The following SPMIP2 variants were observed in gnomAD, a reference collection of about 807,000 sequenced individuals.
SPMIP2 encodes sperm microtubule inner protein 2, also known as protein SPMIP2.
At chr4:159,047,353 A>G in the SPMIP2 span, among the ~76,000 whole-genome samples, 1 of 148,850 alleles carries the variant, frequency 6.7e-6, no homozygotes, top group Non-Finnish European at 1.5e-5. Context: ...ATACTCATCT[A>G]TTTAAGCAAG....
chr4:158,938,486 T>TA, the SPMIP2 span, among the ~76,000 whole-genome samples: 5 of 152,222 alleles, frequency 3.3e-5, no homozygotes, highest in African/African-American at 1.2e-4. Context: ...GCTTGTTAAA[T>TA]ATTCTACCAC....
the SPMIP2 span, among the ~76,000 whole-genome samples, chr4:158,944,279 C>A: frequency 1.3e-5 from 2 of 151,940 alleles, no homozygotes; most frequent in Non-Finnish European, 2.9e-5. Context: ...CTAAATTGTT[C>A]TAGTTGTTCT....
chr4:159,080,243 G>A, the SPMIP2 span, among the ~76,000 whole-genome samples: 4,160 of 151,840 alleles, frequency 0.027, 83 homozygotes, highest in Middle Eastern at 0.044. Flanking sequence ...TTTTAAGATG[G>A]TCTCACTCCA....
the SPMIP2 span, among the ~76,000 whole-genome samples, chr4:159,008,685 A>G: frequency 6.6e-6 from 1 of 152,236 alleles, no homozygotes; most frequent in African/African-American, 2.4e-5. Flanking sequence ...AATGATCACT[A>G]TGTTCATTTT....
the SPMIP2 span, among the ~76,000 whole-genome samples, chr4:159,056,233 T>G: frequency 1.3e-5 from 2 of 152,252 alleles, no homozygotes; most frequent in African/African-American, 2.4e-5. Context: ...CAGACAGATT[T>G]AGACATGCAA....
the SPMIP2 span, among the ~76,000 whole-genome samples, chr4:159,058,198 T>TTC: frequency 6.6e-6 from 1 of 151,804 alleles, no homozygotes; most frequent in East Asian, 1.9e-4. Context: ...TTTTTTTTTT[T>TTC]TCTTTAAAAT....
chr4:158,926,225 G>A, the SPMIP2 span, among the ~76,000 whole-genome samples: 3 of 150,606 alleles, frequency 2.0e-5, no homozygotes, highest in Non-Finnish European at 3.0e-5. Context: ...ACTTCCACTT[G>A]CTTTGAATTT....
At chr4:158,915,040 A>G in the SPMIP2 span, 1 of 769,120 alleles carries the variant, frequency 1.3e-6, no homozygotes, top group Non-Finnish European at 2.0e-6. Flanking sequence ...ATAAATTACA[A>G]AATGCTTCGA....
At chr4:159,007,510 G>A in the SPMIP2 span, 1 of 824,898 alleles carries the variant, frequency 1.2e-6, no homozygotes, top group Non-Finnish European at 2.0e-6. Flanking sequence ...TGATCCTCAA[G>A]ATTGAAGATG....
chr4:158,992,755 A>C, the SPMIP2 span, among the ~76,000 whole-genome samples: 1 of 152,350 alleles, frequency 6.6e-6, no homozygotes, highest in African/African-American at 2.4e-5. Flanking sequence ...ACCAGGTCCC[A>C]ACAGGGCAGC....
chr4:159,025,227 T>G, the SPMIP2 span, among the ~76,000 whole-genome samples: 3 of 152,200 alleles, frequency 2.0e-5, no homozygotes, highest in African/African-American at 7.2e-5. Flanking sequence ...TGCAGTGGCA[T>G]GATCTTGGCT....
At chr4:158,908,291 G>A in the SPMIP2 span, among the ~76,000 whole-genome samples, 1 of 152,110 alleles carries the variant, frequency 6.6e-6, no homozygotes, top group East Asian at 1.9e-4. Flanking sequence ...CCCATGGGAT[G>A]AGGACTTGTC....
chr4:158,915,132 CTT>C, the SPMIP2 span: 1 of 1,560,554 alleles, frequency 6.4e-7, no homozygotes, highest in Non-Finnish European at 8.7e-7. Flanking sequence ...AGCAGCCTGA[CTT>C]TTTCTATGAC....
chr4:158,976,614 C>T, the SPMIP2 span, among the ~76,000 whole-genome samples: 13 of 150,310 alleles, frequency 8.6e-5, no homozygotes, highest in African/African-American at 2.7e-4. Flanking sequence ...GTTGAATCAC[C>T]CTTGCATTCC....
chr4:159,014,648 G>A, the SPMIP2 span, among the ~76,000 whole-genome samples: 3 of 152,070 alleles, frequency 2.0e-5, no homozygotes, highest in Non-Finnish European at 4.4e-5. Flanking sequence ...TAGCCTAAAA[G>A]TCTGCATTTT....
the SPMIP2 span, among the ~76,000 whole-genome samples, chr4:159,009,471 C>G: frequency 6.6e-6 from 1 of 152,186 alleles, no homozygotes; most frequent in Non-Finnish European, 1.5e-5. Context: ...TAACTTCTAA[C>G]ATTTATTAAT....
chr4:158,956,506 C>T, the SPMIP2 span, among the ~76,000 whole-genome samples: 3 of 152,130 alleles, frequency 2.0e-5, no homozygotes, highest in East Asian at 1.9e-4. Context: ...GAGGCTGCAG[C>T]GAGCGGAGAT....
chr4:159,035,819 A>C, the SPMIP2 span, among the ~76,000 whole-genome samples: 3 of 152,190 alleles, frequency 2.0e-5, no homozygotes, highest in Non-Finnish European at 4.4e-5. Context: ...CTCTTCCAGG[A>C]GGATGTCTGC....
the SPMIP2 span, chr4:159,035,171 C>T: frequency 2.3e-4 from 289 of 1,241,918 alleles, 1 homozygote; most frequent in Middle Eastern, 2.1e-3. Context: ...CCAGAAAGAA[C>T]GAAAGACTCT....
Sources: gnomAD v4.1 joint callset for allele counts (sites outside exome capture counted in the v4.1 genomes callset) on GRCh38, gnomAD v4.1.1 for gene constraint, MANE v1.5 for transcripts, NCBI Gene and HGNC (gene_info 2026-07-23, HGNC 2026-07-21) for gene names.